The following PPARG variants were observed in gnomAD, a reference collection of about 807,000 sequenced individuals.
The protein encoded by PPARG is peroxisome proliferator-activated receptor gamma.
Under a neutral mutation model 39.2 loss-of-function variants are expected in PPARG, and 17 were observed. That is an observed-to-expected ratio of 0.43 (90% CI 0.30 to 0.65). PPARG has a LOEUF of 0.65. Among genes scored for constraint, PPARG ranks in the 30% least tolerant of loss-of-function variants. The probability of loss-of-function intolerance (pLI) is 0.13; values close to 1 mark genes in which losing one functional copy is unlikely to be tolerated. For missense variants in PPARG, 406 were observed against 585.9 expected (o/e 0.69, Z 3.17); for synonymous variants, 223 against 215.7 (o/e 1.03, Z -0.30).
intron 2 of PPARG, among the ~76,000 whole-genome samples, chr3:12,344,304 CTAATGCTGCTT>C (rs1306241935): frequency 6.6e-6 from 1 of 152,080 alleles, no homozygotes; most frequent in African/African-American, 2.4e-5. Flanking sequence ...CTTACTTTTA[CTAATGCTGCTT>C]TAAGATATAT....
chr3:12,360,574 C>CAAAAAAAA (rs11394520), intron 2 of PPARG, among the ~76,000 whole-genome samples: 1 of 126,814 alleles, frequency 7.9e-6, no homozygotes, highest in Non-Finnish European at 1.6e-5. Context: ...AGCACCCAGA[C>CAAAAAAAA]AAAAAAAAAA....
intron 2 of PPARG, among the ~76,000 whole-genome samples, chr3:12,319,970 A>C (rs752742184): frequency 6.6e-6 from 1 of 152,232 alleles, no homozygotes; most frequent in Non-Finnish European, 1.5e-5. Flanking sequence ...GAATAAATCA[A>C]AATAGAAAGA....
chr3:12,349,655 G>A (rs1306616382), intron 2 of PPARG, among the ~76,000 whole-genome samples: 1 of 152,174 alleles, frequency 6.6e-6, no homozygotes, highest in Non-Finnish European at 1.5e-5. Flanking sequence ...TATTGGCAAT[G>A]AATATTTGTT....
rs149252504 is a variant in PPARG at position 12,338,276 on chromosome 3, A to C, written c.-9+25823A>C. Among the ~76,000 whole-genome samples, 299 of 152,370 alleles carry C rather than the reference A, an allele frequency of 2.0e-3. 1 individual carries two copies. Among genetic ancestry groups the C allele is most frequent in the African/African-American group, 6.7e-3 (280 of 41,590 alleles). On this transcript the variant is annotated intron_variant, in intron 2 of 7. Coordinates refer to ENST00000651735, the MANE Select transcript of PPARG (RefSeq NM_138711.6). ...GTAATAAATGTTTTGTAACCATGACACTGATGAGCTGTGTTTTAGACCTAG... is the reference window on the plus strand; with the variant it reads ...GTAATAAATGTTTTGTAACCATGACCCTGATGAGCTGTGTTTTAGACCTAG...
At chr3:12,431,838 G>T (rs1354226755) in intron 7 of PPARG, among the ~76,000 whole-genome samples, 1 of 152,072 alleles carries the variant, frequency 6.6e-6, no homozygotes, top group Non-Finnish European at 1.5e-5. Flanking sequence ...TACTTGGGAG[G>T]CTAAAGCAGG....
intron 2 of PPARG, among the ~76,000 whole-genome samples, chr3:12,333,286 A>G (rs1217225302): frequency 1.3e-5 from 2 of 152,208 alleles, no homozygotes; most frequent in Non-Finnish European, 2.9e-5. Flanking sequence ...ATTCATCACC[A>G]CAATCCTCAT....
chr3:12,333,647 A>G (rs2047925500), intron 2 of PPARG, among the ~76,000 whole-genome samples: 1 of 152,130 alleles, frequency 6.6e-6, no homozygotes, highest in South Asian at 2.1e-4. Flanking sequence ...TAATAGGTTC[A>G]CATTCACTCT....
chr3:12,411,816 A>G (rs1210584103), intron 6 of PPARG, among the ~76,000 whole-genome samples: 2 of 152,160 alleles, frequency 1.3e-5, no homozygotes, highest in South Asian at 4.1e-4. Context: ...AACCAAACCA[A>G]TGAGTTTTGG....
chr3:12,404,719 G>T lies in PPARG; in HGVS notation c.530-1163G>T, dbSNP rs187650670. Among the ~76,000 whole-genome samples, 27 of 152,250 alleles carry T rather than the reference G, an allele frequency of 1.8e-4. No individual in the cohort carries two copies. The East Asian group carries it at 5.0e-3, about 28-fold the overall frequency. On this transcript the variant is annotated intron_variant, in intron 5 of 7. Coordinates refer to ENST00000651735, the MANE Select transcript of PPARG (RefSeq NM_138711.6). ...ACTCAGAGGCTGAGGCAGGAGAATC[G>T]CTTGAACCCAGGAGGTGGAGGTTGC...
At chr3:12,395,221 A>G (rs537430376) in intron 5 of PPARG, among the ~76,000 whole-genome samples, 8 of 152,300 alleles carry the variant, frequency 5.3e-5, no homozygotes, top group African/African-American at 1.2e-4. Flanking sequence ...TCACTTTTCA[A>G]CCAGCTATTC....
chr3:12,399,866 T>C (rs145895703), intron 5 of PPARG, among the ~76,000 whole-genome samples: 74 of 149,064 alleles, frequency 5.0e-4, no homozygotes, highest in African/African-American at 1.8e-3. Flanking sequence ...CATGTGTGCC[T>C]GTGGGCCCAG....
intron 2 of PPARG, among the ~76,000 whole-genome samples, chr3:12,315,429 G>T (rs371933798): frequency 5.9e-5 from 9 of 152,144 alleles, no homozygotes; most frequent in African/African-American, 2.2e-4. Flanking sequence ...GTGGTAACTG[G>T]GGGGAAGCTG....
At chr3:12,384,982 G>A (rs1346746218) in intron 4 of PPARG, among the ~76,000 whole-genome samples, 5 of 152,142 alleles carry the variant, frequency 3.3e-5, no homozygotes, top group Admixed American at 2.0e-4. Context: ...TCATTCTGAA[G>A]AAATGCAGTT....
intron 4 of PPARG, among the ~76,000 whole-genome samples, chr3:12,383,925 ATACT>A (rs1280892808): frequency 6.6e-6 from 1 of 152,118 alleles, no homozygotes; most frequent in Non-Finnish European, 1.5e-5. Context: ...GGGAGAAAAA[ATACT>A]TAATAAAACC....
chr3:12,427,770 G>A lies in PPARG; in HGVS notation c.1181-6128G>A, dbSNP rs569624138. ...CAATAAAGGAAACTTGAGAGGAAGC[G>A]CAAAAGGAACTTAAATTGCAAAGTA... is the stretch of plus-strand genomic sequence containing the variant. On this transcript the variant is annotated intron_variant, in intron 7 of 7. Transcript: ENST00000651735. Among the ~76,000 whole-genome samples, 18 of 152,262 alleles carry A rather than the reference G, an allele frequency of 1.2e-4. No homozygotes were observed. In the South Asian group the frequency reaches 3.7e-3, roughly 32 times the overall value.
At chr3:12,318,779 C>T (rs1278007514) in intron 2 of PPARG, among the ~76,000 whole-genome samples, 5 of 151,954 alleles carry the variant, frequency 3.3e-5, no homozygotes, top group African/African-American at 1.2e-4. Flanking sequence ...TACAGTGTTA[C>T]ATAGTAAGTG....
At chr3:12,405,792 C>G in intron 5 of PPARG, 90 bp from the exon 6 acceptor site, 1 of 1,345,894 alleles carries the variant, frequency 7.4e-7, no homozygotes, top group African/African-American at 1.4e-5. Flanking sequence ...AGGGCTTCTA[C>G]TGTGTGGGAA....
At chr3:12,397,567 T>C (rs375478765) in intron 5 of PPARG, among the ~76,000 whole-genome samples, 3 of 151,714 alleles carry the variant, frequency 2.0e-5, no homozygotes, top group South Asian at 4.2e-4. Flanking sequence ...CCTGCCACCA[T>C]GCCCGGCTAA....
At chr3:12,391,999 G>A (rs2050093235) in intron 4 of PPARG, among the ~76,000 whole-genome samples, 1 of 152,160 alleles carries the variant, frequency 6.6e-6, no homozygotes, top group African/African-American at 2.4e-5. Context: ...TCGATTTTGT[G>A]AGGATTTATC....
Sources: gnomAD v4.1 joint callset for allele counts (sites outside exome capture counted in the v4.1 genomes callset) on GRCh38, gnomAD v4.1.1 for gene constraint, MANE v1.5 for transcripts, NCBI Gene and HGNC (gene_info 2026-07-23, HGNC 2026-07-21) for gene names.